Variants in ME3 observed in about 807,000 individuals in gnomAD.
The protein encoded by ME3 is NADP-dependent malic enzyme, mitochondrial.
In ME3, 48 loss-of-function variants were observed where a neutral mutation model predicts 68.9. The ratio of observed to expected loss-of-function variants is 0.70; its 90% CI spans 0.55 to 0.89. ME3 has a LOEUF of 0.89. ME3 is among the 40% of genes least tolerant of loss of function. The pLI, the probability that ME3 is intolerant of heterozygous loss-of-function variation, is 0.00. For synonymous variants in ME3, 320 were observed against 318.8 expected (o/e 1.00, Z -0.04); for missense variants, 675 against 797.4 (o/e 0.85, Z 1.85).
intron 2 of ME3, among the ~76,000 whole-genome samples, chr11:86,643,622 C>T (rs1469292021): frequency 6.6e-6 from 1 of 152,142 alleles, no homozygotes; most frequent in East Asian, 1.9e-4. Context: ...CCTTCTTTCT[C>T]CCCATGAATG....
At chr11:86,530,960 AC>A (rs561747468) in intron 4 of ME3, among the ~76,000 whole-genome samples, 1 of 152,256 alleles carries the variant, frequency 6.6e-6, no homozygotes, top group South Asian at 2.1e-4. Flanking sequence ...TGTCTAAAAC[AC>A]CAAAAGCAAT....
intron 4 of ME3, among the ~76,000 whole-genome samples, chr11:86,548,956 A>C (rs539515863): frequency 1.3e-5 from 2 of 152,310 alleles, no homozygotes; most frequent in East Asian, 3.9e-4. Flanking sequence ...GGTGATTCTC[A>C]AAGTGTGGTC....
At chr11:86,457,912 T>C (rs1950030335) in intron 8 of ME3, among the ~76,000 whole-genome samples, 1 of 152,238 alleles carries the variant, frequency 6.6e-6, no homozygotes, top group Admixed American at 6.5e-5. Context: ...TAGTCAGATT[T>C]GACAAAGTTA....
intron 4 of ME3, among the ~76,000 whole-genome samples, chr11:86,525,665 C>A (rs185038615): frequency 6.6e-6 from 1 of 152,060 alleles, no homozygotes; most frequent in African/African-American, 2.4e-5. Context: ...GAGTTCAAGA[C>A]CAGCCTGACC....
At chr11:86,561,874 C>A (rs981128286) in intron 2 of ME3, among the ~76,000 whole-genome samples, 10 of 152,176 alleles carry the variant, frequency 6.6e-5, no homozygotes, top group African/African-American at 2.2e-4. Flanking sequence ...CAATTAGATT[C>A]TCTTGTCATA....
intron 8 of ME3, among the ~76,000 whole-genome samples, chr11:86,451,713 A>G (rs2138635026): frequency 6.6e-6 from 1 of 152,348 alleles, no homozygotes; most frequent in Middle Eastern, 3.4e-3. Flanking sequence ...CATTCTGGAT[A>G]TGGATTTCTT....
chr11:86,496,061 G>T (rs1487183880), intron 6 of ME3, among the ~76,000 whole-genome samples: 1 of 152,124 alleles, frequency 6.6e-6, no homozygotes, highest in Non-Finnish European at 1.5e-5. Context: ...GATGAAGCCT[G>T]AATAAGCATC....
At chr11:86,555,482 G>A (rs1462764768) in intron 4 of ME3, among the ~76,000 whole-genome samples, 1 of 152,128 alleles carries the variant, frequency 6.6e-6, no homozygotes, top group Non-Finnish European at 1.5e-5. Flanking sequence ...ATGGAGCCCT[G>A]GCATAGTGAG....
intron 2 of ME3, among the ~76,000 whole-genome samples, chr11:86,598,249 T>C (rs951083425): frequency 3.3e-5 from 5 of 152,220 alleles, no homozygotes; most frequent in African/African-American, 7.2e-5. Context: ...CGCACCCGAA[T>C]ACTGCGCTTT....
chr11:86,561,771 A>C (rs780591126), intron 2 of ME3, among the ~76,000 whole-genome samples: 8 of 152,214 alleles, frequency 5.3e-5, no homozygotes, highest in Non-Finnish European at 1.0e-4. Context: ...TTTTGCCTTT[A>C]GTCTAATAAA....
At chr11:86,658,572 G>T (rs1362413000) in intron 2 of ME3, among the ~76,000 whole-genome samples, 1 of 152,176 alleles carries the variant, frequency 6.6e-6, no homozygotes, top group East Asian at 1.9e-4. Context: ...CTGTCCAGTT[G>T]ACAGTAGTAG....
chr11:86,466,523 A>AGGT (rs1950489226), intron 7 of ME3, among the ~76,000 whole-genome samples: 1 of 152,030 alleles, frequency 6.6e-6, no homozygotes. Context: ...TTGTTAGAGA[A>AGGT]GGTGGGTGGG....
At chr11:86,534,224 G>GTATACTAATGTAGACTTTA (rs1955489083) in intron 4 of ME3, among the ~76,000 whole-genome samples, 1 of 151,874 alleles carries the variant, frequency 6.6e-6, no homozygotes, top group Non-Finnish European at 1.5e-5. Context: ...GGACATTACT[G>GTATACTAATGTAGACTTTA]TATACTAATG....
At chr11:86,511,489 T>C (rs914325930) in intron 4 of ME3, among the ~76,000 whole-genome samples, 1 of 152,216 alleles carries the variant, frequency 6.6e-6, no homozygotes, top group African/African-American at 2.4e-5. Context: ...ATTTTGCTTC[T>C]AGTCTCACAG....
At chr11:86,535,949 G>C (rs1309195980) in intron 4 of ME3, among the ~76,000 whole-genome samples, 1 of 152,156 alleles carries the variant, frequency 6.6e-6, no homozygotes, top group African/African-American at 2.4e-5. Flanking sequence ...GCTAGCTGCT[G>C]GGTATAAAAT....
intron 2 of ME3, among the ~76,000 whole-genome samples, chr11:86,566,469 AC>A (rs1957483961): frequency 6.6e-6 from 1 of 152,158 alleles, no homozygotes; most frequent in South Asian, 2.1e-4. Context: ...AATTATTACA[AC>A]CCCTTTGATA....
intron 8 of ME3, among the ~76,000 whole-genome samples, chr11:86,453,357 G>A (rs1194159213): frequency 6.6e-6 from 1 of 152,184 alleles, no homozygotes; most frequent in African/African-American, 2.4e-5. Context: ...ATGGATGCTG[G>A]GTAGCCAGAA....
At chr11:86,624,294 T>C (rs1943527930) in intron 2 of ME3, among the ~76,000 whole-genome samples, 1 of 152,210 alleles carries the variant, frequency 6.6e-6, no homozygotes, top group Non-Finnish European at 1.5e-5. Context: ...TCCCTATTTC[T>C]CTTAATCTAG....
At chr11:86,547,783 C>T (rs1468512790) in intron 4 of ME3, among the ~76,000 whole-genome samples, 2 of 152,252 alleles carry the variant, frequency 1.3e-5, no homozygotes, top group East Asian at 3.9e-4. Flanking sequence ...CACTCAACTC[C>T]TGCTTATATG....
Sources: allele counts gnomAD v4.1 joint callset (sites outside exome capture counted in the v4.1 genomes callset), GRCh38; gene constraint gnomAD v4.1.1; transcripts MANE v1.5; gene names NCBI Gene and HGNC (gene_info 2026-07-23, HGNC 2026-07-21).